The following CUL5 variants were observed in gnomAD, a reference collection of about 807,000 sequenced individuals.
CUL5 encodes the protein cullin 5.
CUL5 carries 26 observed loss-of-function variants against 108.8 expected under a neutral mutation model. That is an observed-to-expected ratio of 0.24 (90% CI 0.18 to 0.33). The LOEUF is 0.33. Ranked by LOEUF, CUL5 falls within the 10% of genes least tolerant of loss-of-function variation. The pLI is 1.00. For synonymous variants in CUL5, 334 were observed against 298.0 expected (o/e 1.12, Z -1.25); for missense variants, 524 against 909.2 (o/e 0.58, Z 5.45).
intron 1 of CUL5, among the ~76,000 whole-genome samples, chr11:108,012,233 A>G (rs918647624): frequency 2.0e-5 from 3 of 151,896 alleles, no homozygotes; most frequent in Admixed American, 6.6e-5. Flanking sequence ...TTCTTTTGCA[A>G]TTATCATCTG....
chr11:108,061,963 T>C (rs758810053), intron 7 of CUL5, among the ~76,000 whole-genome samples: 1 of 152,184 alleles, frequency 6.6e-6, no homozygotes, highest in Middle Eastern at 3.4e-3. Flanking sequence ...ATTTTGAGAA[T>C]TCCCTGTCAC....
chr11:108,016,419 T>G (rs1405662188), intron 1 of CUL5, among the ~76,000 whole-genome samples: 1 of 152,004 alleles, frequency 6.6e-6, no homozygotes, highest in Non-Finnish European at 1.5e-5. Flanking sequence ...CATTCCCAGC[T>G]CATTTAAAAA....
intron 16 of CUL5, among the ~76,000 whole-genome samples, chr11:108,096,885 CTGAGAA>C (rs2135242397): frequency 6.6e-6 from 1 of 152,110 alleles, no homozygotes; most frequent in South Asian, 2.1e-4. Context: ...AATTTTTATA[CTGAGAA>C]TGTGTTCAAA....
intron 17 of CUL5, 31 bp downstream of exon 17, chr11:108,097,785 C>A: frequency 8.1e-7 from 1 of 1,236,600 alleles, no homozygotes; most frequent in Non-Finnish European, 1.2e-6. Context: ...AAAATAAAAA[C>A]ACCTTGTTTG....
At chr11:108,060,910 A>G (rs1863517157) in intron 7 of CUL5, among the ~76,000 whole-genome samples, 1 of 151,944 alleles carries the variant, frequency 6.6e-6, no homozygotes, top group African/African-American at 2.4e-5. Context: ...GAATTCATTC[A>G]TTCAACAGGT....
chr11:108,013,122 T>C (rs1441836210), intron 1 of CUL5, among the ~76,000 whole-genome samples: 1 of 152,222 alleles, frequency 6.6e-6, no homozygotes, highest in Non-Finnish European at 1.5e-5. Flanking sequence ...ATATTTATCC[T>C]CTTTTCTGGT....
chr11:108,078,256 C>T lies in CUL5; in HGVS notation c.1178+16C>T. On this transcript the variant is annotated intron_variant, in intron 11 of 18. Coordinates refer to ENST00000393094, the MANE Select transcript of CUL5 (RefSeq NM_003478.6). ...AGCAGAAGGGGTAAGTTTTTTAAAA[C>T]CATACTTTAAAAATACTTAAATTTT... is the stretch of plus-strand genomic sequence containing the variant. 6.9e-7 allele frequency: 1 copy of T among 1,452,798 alleles called. No individual in the cohort carries two copies. Among genetic ancestry groups the T allele is most frequent in the Non-Finnish European group, 9.5e-7 (1 of 1,056,176 alleles). The allele number at this position is 1,452,798 out of a possible 1,614,324, so 90.0% of individuals were successfully genotyped here. A position where few individuals can be genotyped will look rare whatever the true frequency, so the allele number is the denominator to read the frequency against.
At chr11:108,089,363 C>T in intron 12 of CUL5, 129 bp from the exon 13 acceptor site, 1 of 547,976 alleles carries the variant, frequency 1.8e-6, no homozygotes, top group Non-Finnish European at 3.1e-6. Context: ...ATGGATAATT[C>T]AGTAGGCCTC....
chr11:108,046,419 TATC>T (rs1368980060), intron 3 of CUL5, 50 bp downstream of exon 3: 3 of 1,011,630 alleles, frequency 3.0e-6, no homozygotes, highest in East Asian at 5.1e-5. Context: ...ACTCAGATAA[TATC>T]ATATTTTATT....
intron 10 of CUL5, among the ~76,000 whole-genome samples, chr11:108,076,124 C>T (rs1863935514): frequency 6.6e-6 from 1 of 152,144 alleles, no homozygotes; most frequent in Admixed American, 6.6e-5. Flanking sequence ...TTCGACCCCT[C>T]TGGGCTCAGG....
chr11:108,017,017 A>G (rs545796225), intron 1 of CUL5, among the ~76,000 whole-genome samples: 1 of 152,306 alleles, frequency 6.6e-6, no homozygotes, highest in Non-Finnish European at 1.5e-5. Flanking sequence ...TACAAATAAT[A>G]TCAAAGGTAA....
chr11:108,032,640 A>AC (rs1862622678), intron 1 of CUL5, among the ~76,000 whole-genome samples: 1 of 152,098 alleles, frequency 6.6e-6, no homozygotes, highest in Admixed American at 6.6e-5. Context: ...TTTTCCTAAT[A>AC]TTGCACTACT....
intron 1 of CUL5, among the ~76,000 whole-genome samples, chr11:108,013,577 A>G (rs1045685246): frequency 6.6e-6 from 1 of 152,116 alleles, no homozygotes; most frequent in African/African-American, 2.4e-5. Context: ...CATCTCCCTA[A>G]TAACTAACTC....
chr11:108,066,286 G>A (rs1335847440), intron 7 of CUL5, among the ~76,000 whole-genome samples: 1 of 152,076 alleles, frequency 6.6e-6, no homozygotes, highest in Non-Finnish European at 1.5e-5. Context: ...AGAGCTTGCA[G>A]TGAGCCAAGA....
chr11:108,072,095 C>T (rs1863839382), intron 8 of CUL5, among the ~76,000 whole-genome samples: 1 of 152,052 alleles, frequency 6.6e-6, no homozygotes, highest in Non-Finnish European at 1.5e-5. Context: ...GGGAGGATTG[C>T]TTGCGCCCAA....
intron 10 of CUL5, among the ~76,000 whole-genome samples, chr11:108,075,253 A>G (rs1432957928): frequency 6.6e-6 from 1 of 151,534 alleles, no homozygotes; most frequent in Admixed American, 6.6e-5. Context: ...AGCGTGGCGT[A>G]TTAGTAAGTC....
At chr11:108,045,917 A>G (rs975341490) in intron 2 of CUL5, among the ~76,000 whole-genome samples, 1 of 152,184 alleles carries the variant, frequency 6.6e-6, no homozygotes, top group Non-Finnish European at 1.5e-5. Context: ...AATAGTATAC[A>G]TCTATTGTGT....
intron 7 of CUL5, among the ~76,000 whole-genome samples, chr11:108,055,224 T>G (rs1360273151): frequency 6.6e-6 from 1 of 152,168 alleles, no homozygotes; most frequent in Non-Finnish European, 1.5e-5. Context: ...AAGTTTTCTT[T>G]TATTATGTTT....
At chr11:108,076,689 T>C (rs1863949122) in intron 10 of CUL5, among the ~76,000 whole-genome samples, 1 of 152,206 alleles carries the variant, frequency 6.6e-6, no homozygotes, top group East Asian at 1.9e-4. Flanking sequence ...TGCAGTTATC[T>C]TTGTGAAGTG....
Sources: gnomAD v4.1 joint callset for allele counts (sites outside exome capture counted in the v4.1 genomes callset) on GRCh38, gnomAD v4.1.1 for gene constraint, MANE v1.5 for transcripts, NCBI Gene and HGNC (gene_info 2026-07-23, HGNC 2026-07-21) for gene names.